Variants in PCDH7 observed in about 807,000 individuals in gnomAD.
PCDH7 encodes protocadherin-7.
PCDH7 carries 17 observed loss-of-function variants against 58.9 expected under a neutral mutation model. The observed-to-expected ratio is 0.29, with a 90% CI of 0.20 to 0.43. The LOEUF (loss-of-function observed/expected upper bound fraction) is 0.43, where lower values mean the gene tolerates loss of function less well. Among genes scored for constraint, PCDH7 ranks in the 20% least tolerant of loss-of-function variants. The pLI is 1.00. For synonymous variants in PCDH7, 664 were observed against 616.4 expected (o/e 1.08, Z -1.14); for missense variants, 1,274 against 1,441.0 (o/e 0.88, Z 1.88).
chr4:30,951,244 C>T (rs1318830608), intron 3 of PCDH7, among the ~76,000 whole-genome samples: 1 of 152,144 alleles, frequency 6.6e-6, no homozygotes, highest in Non-Finnish European at 1.5e-5. Flanking sequence ...CAAACCATTT[C>T]AATTTACATA....
intron 1 of PCDH7, among the ~76,000 whole-genome samples, chr4:30,901,561 C>T (rs1740221668): frequency 6.6e-6 from 1 of 152,136 alleles, no homozygotes; most frequent in Admixed American, 6.5e-5. Flanking sequence ...GAACAGCTGA[C>T]TTGTGTAAAA....
At chr4:30,756,167 G>T (rs751313933) in intron 1 of PCDH7, among the ~76,000 whole-genome samples, 1 of 152,010 alleles carries the variant, frequency 6.6e-6, no homozygotes, top group Non-Finnish European at 1.5e-5. Flanking sequence ...ACCTAAGAAA[G>T]CTTTATAACA....
intron 1 of PCDH7, among the ~76,000 whole-genome samples, chr4:30,728,159 G>T (rs752175003): frequency 1.1e-4 from 16 of 151,582 alleles, no homozygotes; most frequent in Non-Finnish European, 4.4e-5. Context: ...AAATTTGGGA[G>T]AATTTTTTAA....
intron 3 of PCDH7, among the ~76,000 whole-genome samples, chr4:31,132,222 T>C (rs1397013743): frequency 6.6e-6 from 1 of 152,146 alleles, no homozygotes; most frequent in Non-Finnish European, 1.5e-5. Flanking sequence ...TTTATCATGG[T>C]TTATATGGAA....
chr4:30,900,331 A>C (rs1320817509), intron 1 of PCDH7, among the ~76,000 whole-genome samples: 2 of 152,190 alleles, frequency 1.3e-5, no homozygotes, highest in Admixed American at 1.3e-4. Context: ...AAGTTCAATT[A>C]TCAGCTCCAA....
intron 3 of PCDH7, among the ~76,000 whole-genome samples, chr4:30,963,709 G>T (rs945238699): frequency 1.3e-5 from 2 of 152,084 alleles, no homozygotes; most frequent in Non-Finnish European, 2.9e-5. Flanking sequence ...AAATCTGAGT[G>T]GAATGCCAGA....
intron 2 of PCDH7, among the ~76,000 whole-genome samples, chr4:30,926,615 T>C (rs1387215300): frequency 6.6e-6 from 1 of 152,094 alleles, no homozygotes; most frequent in Non-Finnish European, 1.5e-5. Context: ...TTCCAGTTAG[T>C]TTTTTTTCTT....
intron 3 of PCDH7, among the ~76,000 whole-genome samples, chr4:31,086,741 A>C (rs1386461383): frequency 2.6e-5 from 4 of 152,204 alleles, no homozygotes. Flanking sequence ...CCACACAATA[A>C]CATACCTGGC....
intron 1 of PCDH7, among the ~76,000 whole-genome samples, chr4:30,880,562 TG>T (rs1736835227): frequency 1.3e-5 from 2 of 152,160 alleles, no homozygotes; most frequent in African/African-American, 4.8e-5. Context: ...ATCTACTTTC[TG>T]TCATACAACC....
intron 1 of PCDH7, among the ~76,000 whole-genome samples, chr4:30,780,848 C>T (rs535210975): frequency 2.0e-5 from 3 of 152,140 alleles, no homozygotes; most frequent in South Asian, 2.1e-4. Context: ...CAGCTCATGA[C>T]GGAGCTGAGT....
At chr4:31,109,633 C>T (rs146013269) in intron 3 of PCDH7, among the ~76,000 whole-genome samples, 4 of 152,244 alleles carry the variant, frequency 2.6e-5, no homozygotes, top group African/African-American at 7.2e-5. Flanking sequence ...TGCTCATTGT[C>T]GTGTACTTCT....
At chr4:30,970,456 G>A (rs185663714) in intron 3 of PCDH7, among the ~76,000 whole-genome samples, 1 of 140,744 alleles carries the variant, frequency 7.1e-6, no homozygotes, top group Admixed American at 7.1e-5. Flanking sequence ...CACCACGCCT[G>A]GCTAATTTTT....
chr4:30,980,659 GA>G (rs956826443), intron 3 of PCDH7, among the ~76,000 whole-genome samples: 7 of 151,752 alleles, frequency 4.6e-5, no homozygotes, highest in African/African-American at 1.7e-4. Context: ...TGTTGAGTGA[GA>G]AAAAAAATCA....
At chr4:31,060,606 A>G (rs1472004038) in intron 3 of PCDH7, among the ~76,000 whole-genome samples, 1 of 151,798 alleles carries the variant, frequency 6.6e-6, no homozygotes, top group Non-Finnish European at 1.5e-5. Flanking sequence ...CTTAAGTTTT[A>G]AATATTCCCC....
At chr4:30,880,699 C>T (rs764564245) in intron 1 of PCDH7, among the ~76,000 whole-genome samples, 1 of 152,130 alleles carries the variant, frequency 6.6e-6, no homozygotes, top group Non-Finnish European at 1.5e-5. Flanking sequence ...AAAGGCCAAC[C>T]TCTCCTTTTT....
chr4:30,796,807 C>T (rs1294703339), intron 1 of PCDH7, among the ~76,000 whole-genome samples: 1 of 152,280 alleles, frequency 6.6e-6, no homozygotes, highest in South Asian at 2.1e-4. Flanking sequence ...TTATAACTTT[C>T]GAAGGCTTTT....
intron 1 of PCDH7, among the ~76,000 whole-genome samples, chr4:30,759,272 C>T (rs1452006240): frequency 2.0e-5 from 3 of 152,034 alleles, no homozygotes; most frequent in Non-Finnish European, 4.4e-5. Context: ...GTGGTCATGT[C>T]AAAGATGTCA....
intron 1 of PCDH7, among the ~76,000 whole-genome samples, chr4:30,794,380 T>C (rs1436908746): frequency 2.0e-5 from 3 of 152,252 alleles, no homozygotes; most frequent in Non-Finnish European, 4.4e-5. Context: ...ACTGTATAAT[T>C]AAACTATTAG....
intron 3 of PCDH7, among the ~76,000 whole-genome samples, chr4:31,037,672 A>T (rs1326150705): frequency 2.0e-5 from 3 of 152,208 alleles, no homozygotes. Context: ...CTCCCACTGA[A>T]AGCAATCATT....
Sources: gnomAD v4.1 joint callset for allele counts (sites outside exome capture counted in the v4.1 genomes callset) on GRCh38, gnomAD v4.1.1 for gene constraint, MANE v1.5 for transcripts, NCBI Gene and HGNC (gene_info 2026-07-23, HGNC 2026-07-21) for gene names.